Variants in CDCP1 observed in about 807,000 individuals in gnomAD.
The protein encoded by CDCP1 is CUB domain containing protein 1.
In CDCP1, 29 loss-of-function variants were observed where a neutral mutation model predicts 60.2. That is an observed-to-expected ratio of 0.48 (90% confidence interval 0.36 to 0.66). The LOEUF is 0.66. CDCP1 is among the 30% of genes least tolerant of loss of function. CDCP1 has a pLI of 0.00. For missense variants in CDCP1, 876 were observed against 1,074.3 expected (o/e 0.82, Z 2.58); for synonymous variants, 387 against 431.1 (o/e 0.90, Z 1.27).
intron 3 of CDCP1, among the ~76,000 whole-genome samples, chr3:45,111,065 G>A (rs6786350): frequency 0.28 from 42,686 of 152,030 alleles, 6,163 homozygotes; most frequent in Middle Eastern, 0.36. Context: ...GTAGAGGGGA[G>A]AGCCCTGACT....
rs768580056 is a variant in CDCP1, at chr3:45,091,549, G to A, written c.1628-11C>T. ...TGAAAACGCCTTCCTCTGCAGGAAA[G>A]GGAGGGAGATCCAGACAGATGTTTC... On this transcript the variant is annotated splice_polypyrimidine_tract_variant and intron_variant, in intron 6 of 8. Transcript: ENST00000296129. The surrounding 1 kb of genome is among the most constrained non-coding windows in gnomAD (Gnocchi z 4.8). 2 of 1,588,674 alleles carry A rather than the reference G, an allele frequency of 1.3e-6. No homozygotes were observed. Among genetic ancestry groups the A allele is most frequent in the Admixed American group, 3.4e-5 (2 of 58,614 alleles).
chr3:45,141,738 C>T (rs4683060), intron 1 of CDCP1, among the ~76,000 whole-genome samples: 129,359 of 152,230 alleles, frequency 0.85, 55,133 homozygotes, highest in East Asian at 0.95. Flanking sequence ...GCCAGCTGCC[C>T]GGGAGATGAA....
rs1396244004 is a variant in CDCP1, at chr3:45,085,703, C to A, written c.2446G>T (p.Val816Leu). ...YTFSHPNNGD[V>L]SSKDTDIPLL... The stretch of plus-strand genomic sequence containing the variant: ...GGAATGTCTGTGTCCTTGCTGCTTA[C>A]ATCCCCATTGTTGGGATGGGAGAAG... The change falls in exon 9 of 9, where the codon GTA (valine) becomes TTA (leucine). Residue 816 changes from valine (V) to leucine (L), a missense_variant. By Grantham distance (32) the Val-to-Leu change is conservative. This residue lies in a region of CDCP1 where 726 missense variants were observed against 935.7 expected (regional missense o/e 0.78). Transcript: ENST00000296129. The surrounding 1 kb of genome is among the most constrained non-coding windows in gnomAD (Gnocchi z 4.2). 6.2e-7 allele frequency: 1 copy of A among 1,614,180 alleles called. No individual in the cohort carries two copies. Among genetic ancestry groups the A allele is most frequent in the African/African-American group, 1.3e-5 (1 of 75,052 alleles).
At chr3:45,137,143 G>A (rs1431965455) in intron 1 of CDCP1, among the ~76,000 whole-genome samples, 2 of 152,224 alleles carry the variant, frequency 1.3e-5, no homozygotes, top group East Asian at 1.9e-4. Flanking sequence ...ACTATTACCA[G>A]TATTTGTGCA....
At chr3:45,124,735 C>T (rs1195601052) in intron 1 of CDCP1, among the ~76,000 whole-genome samples, 2 of 152,152 alleles carry the variant, frequency 1.3e-5, no homozygotes, top group African/African-American at 2.4e-5. Context: ...TCGTGATATG[C>T]TTTTAGGGGC....
chr3:45,089,028 TAA>T (rs1559773961), intron 8 of CDCP1, 24 bp downstream of exon 8: 3 of 1,578,218 alleles, frequency 1.9e-6, no homozygotes, highest in Middle Eastern at 1.7e-4. Flanking sequence ...TCAAATCAGA[TAA>T]AGAGAGTAAG....
intron 1 of CDCP1, among the ~76,000 whole-genome samples, chr3:45,125,101 A>G (rs1460521591): frequency 6.6e-6 from 1 of 152,230 alleles, no homozygotes; most frequent in Non-Finnish European, 1.5e-5. Context: ...AAGAATGGAT[A>G]TGAGTGTGCC....
chr3:45,098,454 C>T (rs757123660), intron 4 of CDCP1, among the ~76,000 whole-genome samples: 6 of 152,016 alleles, frequency 3.9e-5, no homozygotes, highest in Non-Finnish European at 5.9e-5. Flanking sequence ...CTGGGATAAC[C>T]GCAGTAAAAC....
chr3:45,132,798 G>A (rs1161211365), intron 1 of CDCP1, among the ~76,000 whole-genome samples: 2 of 152,166 alleles, frequency 1.3e-5, no homozygotes, highest in East Asian at 1.9e-4. Context: ...TTACCATTCC[G>A]ACAGAGGGGG....
At chr3:45,145,885 G>A (rs1276771883) in intron 1 of CDCP1, among the ~76,000 whole-genome samples, 2 of 152,058 alleles carry the variant, frequency 1.3e-5, no homozygotes, top group Non-Finnish European at 2.9e-5. Flanking sequence ...GCTACCGGGA[G>A]CTCCTTTTCC....
At chr3:45,112,566 C>T (rs1372087121) in intron 2 of CDCP1, 121 bp from the exon 3 acceptor site, 1 of 1,377,138 alleles carries the variant, frequency 7.3e-7, no homozygotes, top group Admixed American at 2.2e-5. Flanking sequence ...TGGCCTTTAC[C>T]AGGCAGGGGC....
At chr3:45,089,263 C>A in intron 7 of CDCP1, 122 bp from the exon 8 acceptor site, 1 of 720,862 alleles carries the variant, frequency 1.4e-6, no homozygotes, top group Non-Finnish European at 2.5e-6. Context: ...ACATGTGGCT[C>A]CTTGTGTGCA....
chr3:45,100,402 G>T (rs552000041), intron 4 of CDCP1, among the ~76,000 whole-genome samples: 1 of 152,350 alleles, frequency 6.6e-6, no homozygotes, highest in African/African-American at 2.4e-5. Context: ...TTGGCTGCTT[G>T]TTGGCAAGGA....
At chr3:45,118,703 G>T in intron 1 of CDCP1, 82 bp from the exon 2 acceptor site, 1 of 1,074,636 alleles carries the variant, frequency 9.3e-7, no homozygotes, top group Non-Finnish European at 1.4e-6. Context: ...ATCTGGTTCA[G>T]AGAGGATGTC....
chr3:45,099,392 G>A (rs551963809), intron 4 of CDCP1, among the ~76,000 whole-genome samples: 20 of 151,480 alleles, frequency 1.3e-4, no homozygotes, highest in Non-Finnish European at 2.5e-4. Flanking sequence ...TTCTTCCTCC[G>A]TATAAAACTT....
intron 2 of CDCP1, among the ~76,000 whole-genome samples, chr3:45,115,253 G>A (rs1371989997): frequency 6.6e-6 from 1 of 151,732 alleles, no homozygotes; most frequent in Non-Finnish European, 1.5e-5. Flanking sequence ...GGGCGGGGAA[G>A]TACAGAAAAG....
chr3:45,143,984 G>C (rs890113860), intron 1 of CDCP1, among the ~76,000 whole-genome samples: 2 of 152,144 alleles, frequency 1.3e-5, no homozygotes, highest in African/African-American at 2.4e-5. Context: ...TCACATTTTT[G>C]GCAAGAGACA....
chr3:45,112,225 C>A lies in CDCP1; in HGVS notation c.513G>T (p.Val171=). 1 of 1,614,206 alleles carries A rather than the reference C, an allele frequency of 6.2e-7. No individual in the cohort carries two copies. The highest frequency in any genetic ancestry group is 8.5e-7 in the Non-Finnish European group (1 of 1,180,046). ...TGCTGCAGAAGGTTCCGATCCTGAC[C>A]ACGGTGGCATCGATTCGGCCGCTGA... ...HSISGRIDAT[V]VRIGTFCSNG... The change falls in exon 3 of 9, where the codon GTG becomes GTT. Residue 171 remains valine (V), a synonymous_variant. Transcript: ENST00000296129.
At chr3:45,106,207 T>C (rs756765030) in intron 4 of CDCP1, among the ~76,000 whole-genome samples, 10 of 152,180 alleles carry the variant, frequency 6.6e-5, no homozygotes, top group African/African-American at 1.2e-4. Flanking sequence ...ACCTGTCTGT[T>C]TTTTTGTAGC....
Sources: allele counts gnomAD v4.1 joint callset (sites outside exome capture counted in the v4.1 genomes callset), GRCh38; gene constraint gnomAD v4.1.1; regional missense constraint gnomAD v4.1.1; non-coding constraint Gnocchi (gnomAD v3.1); transcripts MANE v1.5; gene names NCBI Gene and HGNC (gene_info 2026-07-23, HGNC 2026-07-21).